MARCHF6: variants seen among roughly 807,000 people sequenced by gnomAD.
MARCHF6 encodes the protein membrane associated ring-CH-type finger 6, also known as E3 ubiquitin-protein ligase MARCHF6.
Under a neutral mutation model 133.7 loss-of-function variants are expected in MARCHF6, and 31 were observed. The ratio of observed to expected loss-of-function variants is 0.23; its 90% CI spans 0.17 to 0.31. The LOEUF (loss-of-function observed/expected upper bound fraction) is 0.31, where lower values mean the gene tolerates loss of function less well. MARCHF6 is among the 10% of genes least tolerant of loss of function. The pLI is 1.00. For synonymous variants in MARCHF6, 395 were observed against 402.5 expected (o/e 0.98, Z 0.22); for missense variants, 723 against 1,121.6 (o/e 0.64, Z 5.08).
At chr5:10,419,942 G>C (rs377383710) in intron 22 of MARCHF6, among the ~76,000 whole-genome samples, 1 of 152,224 alleles carries the variant, frequency 6.6e-6, no homozygotes, top group African/African-American at 2.4e-5. Flanking sequence ...GGAATGATTT[G>C]ACAGTTATGG....
chr5:10,430,432 A>C (rs932333803), intron 25 of MARCHF6, among the ~76,000 whole-genome samples: 8 of 151,670 alleles, frequency 5.3e-5, no homozygotes, highest in African/African-American at 1.7e-4. Flanking sequence ...CAGCCTCCCA[A>C]GTAGCTGGGA....
intron 10 of MARCHF6, among the ~76,000 whole-genome samples, chr5:10,400,000 G>A (rs560708778): frequency 6.6e-6 from 1 of 152,042 alleles, no homozygotes; most frequent in South Asian, 2.1e-4. Context: ...TTAGATTCAG[G>A]TTGAATACAT....
chr5:10,418,809 A>C (rs902204180), intron 22 of MARCHF6, among the ~76,000 whole-genome samples: 2 of 152,156 alleles, frequency 1.3e-5, no homozygotes, highest in African/African-American at 4.8e-5. Flanking sequence ...GAATTTACAC[A>C]CTCTGATGGG....
At chr5:10,389,101 A>T (rs79499780) in intron 5 of MARCHF6, among the ~76,000 whole-genome samples, 1 of 151,970 alleles carries the variant, frequency 6.6e-6, no homozygotes, top group African/African-American at 2.4e-5. Flanking sequence ...GACCCTTCTC[A>T]GGTTTTCTAT....
At chr5:10,407,301 T>C in intron 17 of MARCHF6, 99 bp downstream of exon 17, 1 of 505,106 alleles carries the variant, frequency 2.0e-6, no homozygotes, top group Non-Finnish European at 3.4e-6. Flanking sequence ...TTATAGTTAC[T>C]GGAAATCATC....
At chr5:10,393,959 T>C in intron 7 of MARCHF6, 123 bp from the exon 8 acceptor site, 1 of 431,932 alleles carries the variant, frequency 2.3e-6, no homozygotes, top group Non-Finnish European at 4.1e-6. Context: ...TATGGAAATG[T>C]GGCTTAGCTT....
At position 10,407,150 on chromosome 5, in the gene MARCHF6, A is replaced by T. The variant is rs146132234; in HGVS notation, c.1501A>T (p.Ile501Leu). 1 of 1,613,604 alleles carries T rather than the reference A, an allele frequency of 6.2e-7. No individual in the cohort carries two copies. The highest frequency in any genetic ancestry group is 2.2e-5 in the East Asian group (1 of 44,866). ...VLLMLWLPIR[I>L]IKSVLPNFLP... Reference sequence around the variant, plus strand: ...CCTGATGCTTTGGCTTCCTATACGTATAATTAAGAGTGTGCTGCCTAATTT... The same window carrying T: ...CCTGATGCTTTGGCTTCCTATACGTTTAATTAAGAGTGTGCTGCCTAATTT... Residue 501 changes from isoleucine (I) to leucine (L), a missense_variant, in exon 17 of 26, where the codon ATA (isoleucine) becomes TTA (leucine). Ile to Leu is a conservative substitution (Grantham distance 5). Coordinates refer to ENST00000274140, the MANE Select transcript of MARCHF6 (RefSeq NM_005885.4).
Position 10,407,148 on chromosome 5 carries a change from G to A in MARCHF6, c.1499G>A (p.Arg500His), listed in dbSNP as rs147045645. The A allele has an allele frequency of 2.4e-5, 38 of 1,613,086 alleles. No homozygotes were observed. Among genetic ancestry groups the A allele is most frequent in the South Asian group, 1.2e-4 (11 of 90,980 alleles). Residue 500 changes from arginine to histidine, a missense_variant, in exon 17 of 26, where the codon CGT (arginine) becomes CAT (histidine). Around this residue, in one of 4 missense-constraint regions of MARCHF6, gnomAD observed 492 missense variants for 699.5 expected, o/e 0.70. Coordinates refer to ENST00000274140, the MANE Select transcript of MARCHF6 (RefSeq NM_005885.4). ...CTCCTGATGCTTTGGCTTCCTATACGTATAATTAAGAGTGTGCTGCCTAAT... is the reference window on the plus strand; with the variant it reads ...CTCCTGATGCTTTGGCTTCCTATACATATAATTAAGAGTGTGCTGCCTAAT... ...IVLLMLWLPIRIIKSVLPNFL... is the reference protein window; with the variant it reads ...IVLLMLWLPIHIIKSVLPNFL...
At chr5:10,395,397 C>G (rs1338365193) in intron 9 of MARCHF6, among the ~76,000 whole-genome samples, 1 of 152,142 alleles carries the variant, frequency 6.6e-6, no homozygotes. Flanking sequence ...CTGGTGGAAG[C>G]AAAGCAGTTT....
chr5:10,372,182 A>T (rs1188368886), intron 1 of MARCHF6, among the ~76,000 whole-genome samples: 4 of 151,756 alleles, frequency 2.6e-5, no homozygotes, highest in Non-Finnish European at 5.9e-5. Context: ...CTGCTCCATA[A>T]TGGAGCAGAA....
intron 1 of MARCHF6, among the ~76,000 whole-genome samples, chr5:10,361,820 A>G (rs1463425982): frequency 6.6e-6 from 1 of 151,940 alleles, no homozygotes; most frequent in Non-Finnish European, 1.5e-5. Flanking sequence ...CTGCAGTGCA[A>G]TGGCGCGATC....
At position 10,435,362 on chromosome 5, in the gene MARCHF6, C is replaced by T. The variant is rs1357109827; in HGVS notation, c.*1678C>T. ...GGAGGCGAGGCTATGCGTTCGAGGC[C>T]AACCTAGGCAAAATTGGAAAAAAAA... is the stretch of plus-strand genomic sequence containing the variant. On this transcript the variant is annotated 3_prime_UTR_variant, in exon 26 of 26. Transcript: ENST00000274140. 7.0e-6 allele frequency: 1 copy of T among 143,542 alleles called. No individual in the cohort carries two copies. The highest frequency in any genetic ancestry group is 7.1e-5 in the Admixed American group (1 of 14,068). The allele number at this position is 143,542 out of a possible 1,614,324, so 8.9% of individuals were successfully genotyped here. A position where few individuals can be genotyped will look rare whatever the true frequency, so the allele number is the denominator to read the frequency against.
intron 1 of MARCHF6, among the ~76,000 whole-genome samples, chr5:10,372,242 A>AG (rs572799254): frequency 0.011 from 1,742 of 152,214 alleles, 11 homozygotes; most frequent in Admixed American, 0.017. Context: ...GACCCAATTG[A>AG]GGGGGGAGAA....
chr5:10,410,361 C>A, intron 18 of MARCHF6, 85 bp downstream of exon 18: 1 of 1,448,630 alleles, frequency 6.9e-7, no homozygotes, highest in Non-Finnish European at 9.2e-7. Flanking sequence ...GTTCCATGGC[C>A]CACTCAAGAA....
rs1736942397 is a variant in MARCHF6 at position 10,378,810 on chromosome 5, G to A, written c.168G>A (p.Lys56=). 1.2e-6 allele frequency: 2 copies of A among 1,609,628 alleles called. No homozygotes were observed. Among genetic ancestry groups the A allele is most frequent in the South Asian group, 2.2e-5 (2 of 90,522 alleles). ...HSRKEYCELC[K]HRFAFTPIYS... ...GAAAAGAATACTGTGAATTATGCAA[G>A]CACAGATTTGCTTTTACACCAAGTA... The change falls in exon 3 of 26, where the codon AAG becomes AAA. Residue 56 remains lysine, a synonymous_variant. Coordinates refer to ENST00000274140, the MANE Select transcript of MARCHF6 (RefSeq NM_005885.4).
intron 1 of MARCHF6, chr5:10,354,528 G>A (rs1348242956): frequency 6.6e-6 from 1 of 152,172 alleles, no homozygotes; most frequent in Non-Finnish European, 1.5e-5. Context: ...ACACCTATAA[G>A]CAGGGTTCTG....
At chr5:10,370,874 C>T (rs897601211) in intron 1 of MARCHF6, among the ~76,000 whole-genome samples, 3 of 152,112 alleles carry the variant, frequency 2.0e-5, no homozygotes, top group South Asian at 2.1e-4. Context: ...ATGTTTTACT[C>T]GATGGAGCAG....
rs757442178 is a variant in MARCHF6 at position 10,353,886 on chromosome 5, C to G, written c.-13C>G. On this transcript the variant is annotated 5_prime_UTR_variant, in exon 1 of 26. Coordinates refer to ENST00000274140, the MANE Select transcript of MARCHF6 (RefSeq NM_005885.4). ...AGCCTCGTGGCTGCGTCACCGCCGC[C>G]CCCCCAGACAAGATGGACACCGCGG... 87 of 1,564,104 alleles carry G rather than the reference C, an allele frequency of 5.6e-5. No individual in the cohort carries two copies. Among genetic ancestry groups the G allele is most frequent in the Middle Eastern group, 1.7e-4 (1 of 6,014 alleles).
At chr5:10,358,690 T>G (rs1162700896) in intron 1 of MARCHF6, among the ~76,000 whole-genome samples, 1 of 152,214 alleles carries the variant, frequency 6.6e-6, no homozygotes, top group African/African-American at 2.4e-5. Context: ...GAAAAAAATT[T>G]TGGAGATTTG....
Sources: gnomAD v4.1 joint callset for allele counts (sites outside exome capture counted in the v4.1 genomes callset) on GRCh38, gnomAD v4.1.1 for gene constraint, gnomAD v4.1.1 regional missense constraint, MANE v1.5 for transcripts, NCBI Gene and HGNC (gene_info 2026-07-23, HGNC 2026-07-21) for gene names.